TMEM132C: variants seen among roughly 807,000 people sequenced by gnomAD.
The protein encoded by TMEM132C is protein phosphatase 1, regulatory subunit 152.
In TMEM132C, 29 loss-of-function variants were observed where a neutral mutation model predicts 61.4. That is an observed-to-expected ratio of 0.47 (90% CI 0.35 to 0.64). TMEM132C has a LOEUF of 0.64. TMEM132C is among the 30% of genes least tolerant of loss of function. TMEM132C has a pLI of 0.00. For missense variants in TMEM132C, 1,408 were observed against 1,476.9 expected, an observed-to-expected ratio of 0.95 and a Z score of 0.76; for synonymous variants, 656 against 633.1, an observed-to-expected ratio of 1.04 and a Z score of -0.54.
chr12:128,543,177 G>C (rs951568351), intron 2 of TMEM132C, among the ~76,000 whole-genome samples: 3 of 152,192 alleles, frequency 2.0e-5, no homozygotes, highest in Non-Finnish European at 2.9e-5. Context: ...GTGTGTGCCA[G>C]GCAAGTCACG....
At chr12:128,427,424 G>A (rs540068570) in intron 2 of TMEM132C, among the ~76,000 whole-genome samples, 42,405 of 143,532 alleles carry the variant, frequency 0.3, 6,503 homozygotes, top group Non-Finnish European at 0.32. Context: ...GTGTGTGTGT[G>A]TGTGTATATA....
At chr12:128,454,871 C>T (rs1870292254) in intron 2 of TMEM132C, among the ~76,000 whole-genome samples, 1 of 152,190 alleles carries the variant, frequency 6.6e-6, no homozygotes, top group Non-Finnish European at 1.5e-5. Flanking sequence ...GACGGGTTGT[C>T]ACAGAGACAG....
chr12:128,400,073 G>A (rs1417250260), intron 1 of TMEM132C: 3 of 152,220 alleles, frequency 2.0e-5, no homozygotes, highest in Admixed American at 6.5e-5. Context: ...ACCACAGTTT[G>A]GATCAAGAAA....
intron 1 of TMEM132C, among the ~76,000 whole-genome samples, chr12:128,286,337 C>G (rs1256130194): frequency 6.6e-6 from 1 of 152,174 alleles, no homozygotes; most frequent in Admixed American, 6.5e-5. Flanking sequence ...AACTCAAATG[C>G]CTCCAGGGCC....
In TMEM132C at chr12:128,686,045, G is replaced by A. The variant is rs377506414; in HGVS notation, c.1450-7784G>A. Among the ~76,000 whole-genome samples, 478 of 148,614 alleles carry A rather than the reference G, an allele frequency of 3.2e-3. 4 individuals are homozygous for A. The highest frequency in any genetic ancestry group is 0.011 in the African/African-American group (452 of 39,460). On this transcript the variant is annotated intron_variant, in intron 5 of 8. Coordinates refer to ENST00000435159, the MANE Select transcript of TMEM132C (RefSeq NM_001136103.3). ...CATGCATGTGTGTGTGTATTCGCGC[G>A]TGTGTGCATGTGTGTGTGTGCATGC...
At chr12:128,669,732 C>T (rs1320462846) in intron 5 of TMEM132C, among the ~76,000 whole-genome samples, 172 bp downstream of exon 5, 1 of 152,218 alleles carries the variant, frequency 6.6e-6, no homozygotes, top group Non-Finnish European at 1.5e-5. Flanking sequence ...TTTGTTTTCA[C>T]ATCATGCCAA....
At chr12:128,496,099 T>C (rs1333689159) in intron 2 of TMEM132C, among the ~76,000 whole-genome samples, 1 of 152,044 alleles carries the variant, frequency 6.6e-6, no homozygotes, top group Non-Finnish European at 1.5e-5. Flanking sequence ...TGAAGCTTAG[T>C]TTGGCTGGAT....
intron 1 of TMEM132C, among the ~76,000 whole-genome samples, chr12:128,315,301 G>T (rs558239100): frequency 6.6e-6 from 1 of 152,130 alleles, no homozygotes; most frequent in Non-Finnish European, 1.5e-5. Context: ...AGGCTGCAGG[G>T]GTAGGGAGCT....
intron 1 of TMEM132C, among the ~76,000 whole-genome samples, chr12:128,382,988 CTGTA>C (rs746406733): frequency 3.3e-4 from 50 of 151,416 alleles, no homozygotes; most frequent in East Asian, 1.5e-3. Flanking sequence ...GTCTCTGTGT[CTGTA>C]TGTATCTGTG....
At chr12:128,428,269 G>A (rs554570895) in intron 2 of TMEM132C, among the ~76,000 whole-genome samples, 1 of 152,000 alleles carries the variant, frequency 6.6e-6, no homozygotes, top group South Asian at 2.1e-4. Context: ...GGAGTTTCAG[G>A]TACAAATGCA....
At chr12:128,454,113 A>T (rs1012456792) in intron 2 of TMEM132C, among the ~76,000 whole-genome samples, 1 of 152,352 alleles carries the variant, frequency 6.6e-6, no homozygotes, top group Admixed American at 6.5e-5. Flanking sequence ...TAGACAAGAT[A>T]ACCAAAGTGT....
At chr12:128,508,002 G>A (rs558203155) in intron 2 of TMEM132C, among the ~76,000 whole-genome samples, 1 of 152,268 alleles carries the variant, frequency 6.6e-6, no homozygotes, top group South Asian at 2.1e-4. Context: ...TAACCATGAT[G>A]TGGCTGTACT....
intron 2 of TMEM132C, among the ~76,000 whole-genome samples, chr12:128,422,384 G>T (rs1192779706): frequency 6.6e-6 from 1 of 152,160 alleles, no homozygotes; most frequent in Non-Finnish European, 1.5e-5. Context: ...TGAATGTTTG[G>T]CCTTGTCAGT....
At chr12:128,541,110 T>G (rs73159894) in intron 2 of TMEM132C, among the ~76,000 whole-genome samples, 12,462 of 152,166 alleles carry the variant, frequency 0.082, 622 homozygotes, top group South Asian at 0.17. Context: ...TTTGATTAAT[T>G]TCCTAGAGCG....
Position 128,316,718 on chromosome 12 carries a change from A to T in TMEM132C, c.85+49231A>T, listed in dbSNP as rs112814555. ...TTTTTAACAGCTTTTTATTTAAACA[A>T]TTTTAATGTTATATCACCTCAAGTT... On this transcript the variant is annotated intron_variant, in intron 1 of 8. Transcript: ENST00000435159. Among the ~76,000 whole-genome samples the T allele has an allele frequency of 3.4e-3, 517 of 152,218 alleles. 4 individuals are homozygous for T. The highest frequency in any genetic ancestry group is 0.012 in the African/African-American group (493 of 41,542).
rs561263544 is a variant in TMEM132C at position 128,576,143 on chromosome 12, T to C, written c.1121+32040T>C. ...GGTGGTGCATGTCTGTAATCCCAGCTACTCGGGAGGGTGAGGCAGGAGAAT... is the reference window on the plus strand; with the variant it reads ...GGTGGTGCATGTCTGTAATCCCAGCCACTCGGGAGGGTGAGGCAGGAGAAT... On this transcript the variant is annotated intron_variant, in intron 3 of 8. Coordinates refer to ENST00000435159, the MANE Select transcript of TMEM132C (RefSeq NM_001136103.3). Among the ~76,000 whole-genome samples, 7 of 152,130 alleles carry C rather than the reference T, an allele frequency of 4.6e-5. No individual in the cohort carries two copies. In the South Asian group the frequency reaches 1.0e-3, roughly 23 times the overall value.
At chr12:128,332,051 C>G (rs1872677999) in intron 1 of TMEM132C, among the ~76,000 whole-genome samples, 5 of 152,216 alleles carry the variant, frequency 3.3e-5, no homozygotes, top group Admixed American at 2.6e-4. Flanking sequence ...TGCATTTCAA[C>G]TCCTACATTT....
intron 2 of TMEM132C, among the ~76,000 whole-genome samples, chr12:128,451,887 T>C (rs1463552424): frequency 6.6e-6 from 1 of 152,034 alleles, no homozygotes; most frequent in East Asian, 1.9e-4. Context: ...CAGTGGAGCT[T>C]ACACTTTATG....
chr12:128,511,541 C>T (rs74551885), intron 2 of TMEM132C, among the ~76,000 whole-genome samples: 4,297 of 152,314 alleles, frequency 0.028, 181 homozygotes, highest in African/African-American at 0.097. Context: ...GAGTCCAAGA[C>T]GACACCAAAT....
Sources: allele counts gnomAD v4.1 joint callset (sites outside exome capture counted in the v4.1 genomes callset), GRCh38; gene constraint gnomAD v4.1.1; transcripts MANE v1.5; gene names NCBI Gene and HGNC (gene_info 2026-07-23, HGNC 2026-07-21).